The following SLC25A26 variants were observed in gnomAD, a reference collection of about 807,000 sequenced individuals.
SLC25A26 encodes the protein mitochondrial S-adenosylmethionine carrier protein.
SLC25A26 carries 36 observed loss-of-function variants against 37.8 expected under a neutral mutation model. The observed-to-expected ratio is 0.95, with a 90% CI of 0.73 to 1.26. The LOEUF is 1.26. Among genes scored for constraint, SLC25A26 ranks in the 50% most tolerant of loss-of-function variants. The probability of loss-of-function intolerance (pLI) is 0.00; values close to 1 mark genes in which losing one functional copy is unlikely to be tolerated. For missense variants in SLC25A26, 390 were observed against 331.1 expected (o/e 1.18, Z -1.38); for synonymous variants, 129 against 122.5 (o/e 1.05, Z -0.35).
intron 5 of SLC25A26, among the ~76,000 whole-genome samples, chr3:66,323,230 A>G (rs540846491): frequency 6.6e-6 from 1 of 152,342 alleles, no homozygotes; most frequent in African/African-American, 2.4e-5. Flanking sequence ...TAGATGCCAC[A>G]TTGGTATTGA....
At chr3:66,201,150 G>C (rs1008958690) in intron 1 of SLC25A26, among the ~76,000 whole-genome samples, 30 of 152,084 alleles carry the variant, frequency 2.0e-4, no homozygotes, top group African/African-American at 6.5e-4. Context: ...AGACCAGTAA[G>C]AAATGAGGCA....
chr3:66,376,522 G>A (rs1700656935), intron 9 of SLC25A26, among the ~76,000 whole-genome samples: 3 of 152,220 alleles, frequency 2.0e-5, no homozygotes, highest in Admixed American at 2.0e-4. Context: ...TGCAGGCTCA[G>A]ATGCTCATGA....
At chr3:66,359,194 C>T (rs1246978846) in intron 6 of SLC25A26, among the ~76,000 whole-genome samples, 1 of 152,066 alleles carries the variant, frequency 6.6e-6, no homozygotes, top group Non-Finnish European at 1.5e-5. Context: ...TGTTTTTTCG[C>T]CCCCTGGCAA....
rs141974918 is a variant in SLC25A26 at position 66,263,371 on chromosome 3, T to C, written c.445T>C (p.Leu149=). ...GLYRGYKSTV[L]REIPFSLVQF... ...GTATCGAGGCTATAAAAGCACAGTT[T>C]TAAGAGAGGTAAGTCACTTACTTTC... Residue 149 remains leucine, a synonymous_variant, in exon 5 of 10, where the codon TTA becomes CTA. Transcript: ENST00000354883. 3 of 1,609,304 alleles carry C rather than the reference T, an allele frequency of 1.9e-6. No individual in the cohort carries two copies. The highest frequency in any genetic ancestry group is 1.3e-5 in the African/African-American group (1 of 74,858).
At chr3:66,341,542 T>C (rs1029612709) in intron 5 of SLC25A26, among the ~76,000 whole-genome samples, 5 of 152,208 alleles carry the variant, frequency 3.3e-5, no homozygotes, top group Non-Finnish European at 5.9e-5. Flanking sequence ...TTATGACTAA[T>C]GTACTGAGTT....
intron 1 of SLC25A26, among the ~76,000 whole-genome samples, chr3:66,163,487 A>G (rs1553648922): frequency 6.6e-6 from 1 of 152,220 alleles, no homozygotes; most frequent in Non-Finnish European, 1.5e-5. Flanking sequence ...CATTGACAAG[A>G]TCACATTTAT....
chr3:66,226,807 T>C (rs2071776564), intron 1 of SLC25A26, among the ~76,000 whole-genome samples: 1 of 151,888 alleles, frequency 6.6e-6, no homozygotes, highest in Non-Finnish European at 1.5e-5. Context: ...TAGAAAGAGG[T>C]GTCACAGGTA....
intron 5 of SLC25A26, among the ~76,000 whole-genome samples, chr3:66,305,607 C>T (rs2075196257): frequency 2.0e-5 from 3 of 152,242 alleles, no homozygotes; most frequent in Admixed American, 6.5e-5. Flanking sequence ...TAATGCTCCC[C>T]TTCCCCCCAC....
At chr3:66,196,727 A>G (rs2071049113) in intron 1 of SLC25A26, among the ~76,000 whole-genome samples, 13 of 152,094 alleles carry the variant, frequency 8.5e-5, no homozygotes. Context: ...TAAGAAATCA[A>G]TTAGAAACTC....
intron 1 of SLC25A26, among the ~76,000 whole-genome samples, chr3:66,190,316 A>G (rs1352594795): frequency 4.6e-5 from 3 of 65,000 alleles, no homozygotes; most frequent in African/African-American, 1.1e-4. Context: ...CCCTGTCAAA[A>G]AAAAAAAAAG....
chr3:66,144,201 A>G (rs565179190), intron 1 of SLC25A26, among the ~76,000 whole-genome samples: 39 of 152,122 alleles, frequency 2.6e-4, no homozygotes, highest in Non-Finnish European at 4.9e-4. Context: ...CAGCGTATCC[A>G]AGCAGAGGGA....
At chr3:66,271,279 T>C (rs1372126319) in intron 5 of SLC25A26, among the ~76,000 whole-genome samples, 2 of 152,202 alleles carry the variant, frequency 1.3e-5, no homozygotes, top group Non-Finnish European at 2.9e-5. Flanking sequence ...AAAAAAGTTT[T>C]CTGTTTTTCC....
chr3:66,308,871 C>G (rs2075299772), intron 5 of SLC25A26, among the ~76,000 whole-genome samples: 2 of 151,120 alleles, frequency 1.3e-5, no homozygotes, highest in African/African-American at 5.0e-5. Context: ...AACCTTGCAT[C>G]CCAGGGATGA....
chr3:66,332,002 G>C (rs981872747), intron 5 of SLC25A26, among the ~76,000 whole-genome samples: 8 of 139,356 alleles, frequency 5.7e-5, no homozygotes, highest in African/African-American at 2.7e-4. Context: ...CACGATCTTG[G>C]CTCGCTGCAT....
intron 5 of SLC25A26, among the ~76,000 whole-genome samples, chr3:66,316,173 A>G (rs2075533889): frequency 6.6e-6 from 1 of 152,214 alleles, no homozygotes; most frequent in African/African-American, 2.4e-5. Context: ...CTGGCTGATT[A>G]TTTTGCAGAC....
At position 66,352,435 on chromosome 3, in the gene SLC25A26, G is replaced by GTT. The variant is rs376280552; in HGVS notation, c.498+6032_498+6033dup. ...CGCCTCCCCTCGTTTTTTGTTTTTT[G>GTT]TTTTTTGTTTTTTTTTTTGAGATGT... On this transcript the variant is annotated intron_variant, in intron 6 of 9. Coordinates refer to ENST00000354883, the MANE Select transcript of SLC25A26 (RefSeq NM_001379210.1). Among the ~76,000 whole-genome samples the GTT allele has an allele frequency of 6.7e-4, 88 of 131,160 alleles. 2 individuals are homozygous for GTT. Among genetic ancestry groups the GTT allele is most frequent in the African/African-American group, 2.6e-3 (84 of 32,384 alleles). 86.0% of individuals were successfully genotyped at this position (131,160 alleles called of 152,430 possible).
rs535932556 is a variant in SLC25A26, at chr3:66,378,697, A to G, written c.*890A>G. 1 of 152,642 alleles carries G rather than the reference A, an allele frequency of 6.6e-6. No homozygotes were observed. The highest frequency in any genetic ancestry group is 1.9e-4 in the East Asian group (1 of 5,176). The allele number at this position is 152,642 out of a possible 1,614,324, so 9.5% of individuals were successfully genotyped here. On this transcript the variant is annotated 3_prime_UTR_variant, in exon 10 of 10. Transcript: ENST00000354883. ...GTTGTCTGCCCTGGAGCAAACAAAC[A>G]GTATGTGATTTTGCTTCGCCTATTT...
chr3:66,170,791 G>GT (rs36147154), intron 1 of SLC25A26, among the ~76,000 whole-genome samples: 5,231 of 50,880 alleles, frequency 0.1, 1,542 homozygotes, highest in Non-Finnish European at 0.11. Context: ...TGTGATTATT[G>GT]TTTTTTTTTT....
At chr3:66,274,993 A>T (rs529460728) in intron 5 of SLC25A26, among the ~76,000 whole-genome samples, 3 of 152,156 alleles carry the variant, frequency 2.0e-5, no homozygotes, top group Non-Finnish European at 2.9e-5. Context: ...AAAGACTTGG[A>T]ACCAAGCCAA....
Sources: gnomAD v4.1 joint callset for allele counts (sites outside exome capture counted in the v4.1 genomes callset) on GRCh38, gnomAD v4.1.1 for gene constraint, MANE v1.5 for transcripts, NCBI Gene and HGNC (gene_info 2026-07-23, HGNC 2026-07-21) for gene names.